The following ZNF362 variants were observed in gnomAD, a reference collection of about 807,000 sequenced individuals.
ZNF362 encodes the protein rotund homolog.
ZNF362 carries 11 observed loss-of-function variants against 42.9 expected under a neutral mutation model. The observed-to-expected ratio is 0.26, with a 90% CI of 0.16 to 0.42. ZNF362 has a LOEUF of 0.42. Among genes scored for constraint, ZNF362 ranks in the 20% least tolerant of loss-of-function variants. The pLI is 1.00. For synonymous variants in ZNF362, 255 were observed against 257.3 expected, an observed-to-expected ratio of 0.99 and a Z score of 0.09; for missense variants, 362 against 576.2, an observed-to-expected ratio of 0.63 and a Z score of 3.81.
At chr1:33,174,918 T>TACAC in the ZNF362 span, among the ~76,000 whole-genome samples, 3 of 137,382 alleles carry the variant, frequency 2.2e-5, no homozygotes, top group Non-Finnish European at 3.0e-5. Context: ...TATATATATA[T>TACAC]ACACACACAC....
chr1:33,234,820 A>C, the ZNF362 span, among the ~76,000 whole-genome samples: 3 of 152,166 alleles, frequency 2.0e-5, no homozygotes, highest in Admixed American at 2.0e-4. Context: ...GCATTCTATG[A>C]TGCAGGAAGT....
At chr1:33,262,879 G>A (rs904851569) in intron 1 of ZNF362, among the ~76,000 whole-genome samples, 1 of 152,226 alleles carries the variant, frequency 6.6e-6, no homozygotes, top group Non-Finnish European at 1.5e-5. Context: ...CATGTCTGCT[G>A]GAGTGTGCAT....
chr1:33,271,780 G>A (rs1645906016), intron 2 of ZNF362, among the ~76,000 whole-genome samples: 2 of 151,922 alleles, frequency 1.3e-5, no homozygotes, highest in African/African-American at 4.8e-5. Flanking sequence ...GGAGCATCTG[G>A]GCAGATGTGC....
the ZNF362 span, chr1:33,147,257 A>T: frequency 1.9e-6 from 3 of 1,614,126 alleles, no homozygotes; most frequent in Non-Finnish European, 2.5e-6. This position sits in a 1 kb window ranked among gnomAD's most constrained non-coding sequence, Gnocchi z 8.1. Context: ...AAGTAAGAGC[A>T]GAGCTTGCCA....
chr1:33,275,123 G>C, intron 2 of ZNF362: 2 of 985,412 alleles, frequency 2.0e-6, no homozygotes, highest in Non-Finnish European at 2.4e-6. Flanking sequence ...TTCTGTAAGA[G>C]AGAGATACGA....
intron 6 of ZNF362, among the ~76,000 whole-genome samples, chr1:33,287,333 A>G (rs984953068): frequency 3.9e-5 from 6 of 152,174 alleles, no homozygotes; most frequent in African/African-American, 1.4e-4. Flanking sequence ...CAGAAAATTA[A>G]AAAGTTAGCC....
the ZNF362 span, among the ~76,000 whole-genome samples, chr1:33,198,506 A>AAAATAC: frequency 1.3e-5 from 2 of 152,234 alleles, no homozygotes; most frequent in African/African-American, 4.8e-5. Context: ...ATCTCTGCAA[A>AAAATAC]AAATACAAAA....
At chr1:33,275,913 A>G (rs556865723) in intron 2 of ZNF362, among the ~76,000 whole-genome samples, 187 bp from the exon 3 acceptor site, 2 of 152,154 alleles carry the variant, frequency 1.3e-5, no homozygotes, top group Non-Finnish European at 2.9e-5. Flanking sequence ...ACTGAATTCC[A>G]GGTTTTTCAG....
the ZNF362 span, among the ~76,000 whole-genome samples, chr1:33,175,655 C>T: frequency 0.46 from 70,450 of 152,072 alleles, 19,472 homozygotes; most frequent in Non-Finnish European, 0.6. Flanking sequence ...TCAGCTCTTC[C>T]TCCTACTTGC....
intron 2 of ZNF362, among the ~76,000 whole-genome samples, chr1:33,271,831 G>C (rs1480064720): frequency 6.6e-6 from 1 of 152,152 alleles, no homozygotes; most frequent in African/African-American, 2.4e-5. Context: ...TGGGCAGATG[G>C]GGATGTCCCG....
upstream of ZNF362, among the ~76,000 whole-genome samples, chr1:33,253,645 T>C (rs1192160223): frequency 6.6e-6 from 1 of 152,008 alleles, no homozygotes; most frequent in Non-Finnish European, 1.5e-5. Flanking sequence ...CTCAAGGCCT[T>C]CAGGATCCTG....
chr1:33,271,260 C>T lies in ZNF362; in HGVS notation c.38+648C>T, dbSNP rs893413482. Among the ~76,000 whole-genome samples the T allele has an allele frequency of 2.0e-4, 31 of 152,228 alleles. 1 individual carries two copies. Among genetic ancestry groups the T allele is most frequent in the African/African-American group, 7.2e-4 (30 of 41,454 alleles). Reference sequence around the variant, plus strand: ...CATCTGCCAGGCAACACCGAACGCTCGTGGCTCCCCTCACACTGTTGGGCT... The same window carrying T: ...CATCTGCCAGGCAACACCGAACGCTTGTGGCTCCCCTCACACTGTTGGGCT... On this transcript the variant is annotated intron_variant, in intron 2 of 8. Transcript: ENST00000539719.
At chr1:33,136,813 A>G in the ZNF362 span, among the ~76,000 whole-genome samples, 1 of 151,384 alleles carries the variant, frequency 6.6e-6, no homozygotes, top group Admixed American at 6.6e-5. Flanking sequence ...CCTGGCCAAT[A>G]TGGTGAAACC....
the ZNF362 span, among the ~76,000 whole-genome samples, chr1:33,237,001 G>T: frequency 2.0e-5 from 3 of 151,970 alleles, no homozygotes; most frequent in Non-Finnish European, 4.4e-5. Context: ...AACCTGGGAG[G>T]CGGAGGTTGT....
At chr1:33,254,757 G>A (rs1292878152), upstream of ZNF362, among the ~76,000 whole-genome samples, 1 of 152,068 alleles carries the variant, frequency 6.6e-6, no homozygotes, top group African/African-American at 2.4e-5. Context: ...GCTTGGGGAG[G>A]ACGTCACTAT....
chr1:33,175,040 T>TGTATATGTATAA, the ZNF362 span, among the ~76,000 whole-genome samples: 1 of 151,288 alleles, frequency 6.6e-6, no homozygotes, highest in Non-Finnish European at 1.5e-5. Flanking sequence ...TTTATGTATA[T>TGTATATGTATAA]GTATATGTAT....
the ZNF362 span, among the ~76,000 whole-genome samples, chr1:33,168,265 A>G: frequency 6.6e-6 from 1 of 152,330 alleles, no homozygotes; most frequent in Admixed American, 6.5e-5. Context: ...GTAAAGACCA[A>G]AGTCACAAGC....
At chr1:33,160,474 G>A in the ZNF362 span, among the ~76,000 whole-genome samples, 1 of 152,106 alleles carries the variant, frequency 6.6e-6, no homozygotes, top group South Asian at 2.1e-4. Flanking sequence ...GCACGATCTC[G>A]GATCATTGCA....
chr1:33,139,725 G>A, the ZNF362 span, among the ~76,000 whole-genome samples: 5 of 152,302 alleles, frequency 3.3e-5, no homozygotes, highest in Admixed American at 6.5e-5. Context: ...GCTGTGGTGC[G>A]TGGCCATTAG....
Sources: gnomAD v4.1 joint callset for allele counts (sites outside exome capture counted in the v4.1 genomes callset) on GRCh38, gnomAD v4.1.1 for gene constraint, Gnocchi (gnomAD v3.1) non-coding constraint, MANE v1.5 for transcripts, NCBI Gene and HGNC (gene_info 2026-07-23, HGNC 2026-07-21) for gene names.